SNX29: variants seen among roughly 807,000 people sequenced by gnomAD.
SNX29 encodes the protein sorting nexin-29.
SNX29 carries 78 observed loss-of-function variants against 102.1 expected under a neutral mutation model. The observed-to-expected ratio is 0.76, with a 90% CI of 0.64 to 0.92. The LOEUF is 0.92. SNX29 is among the 40% of genes least tolerant of loss of function. The pLI is 0.00. For synonymous variants in SNX29, 580 were observed against 414.5 expected, an observed-to-expected ratio of 1.40 and a Z score of -4.85; for missense variants, 1,280 against 1,061.7, an observed-to-expected ratio of 1.21 and a Z score of -2.86.
In SNX29 at chr16:12,185,410, A is replaced by T. The variant is rs187961712; in HGVS notation, c.1596-14191A>T. Reference sequence around the variant, plus strand: ...TAGATTTTTAAGGGAAATGTCCTGAATTTTAATTATTTGCACAGAATTTAA... The same window carrying T: ...TAGATTTTTAAGGGAAATGTCCTGATTTTTAATTATTTGCACAGAATTTAA... On this transcript the variant is annotated intron_variant, in intron 13 of 20. Coordinates refer to ENST00000566228, the MANE Select transcript of SNX29 (RefSeq NM_032167.5). 3.9e-4 allele frequency among the ~76,000 whole-genome samples: 59 copies of T among 152,216 alleles called. No homozygotes were observed. In the East Asian group the frequency reaches 4.8e-3, roughly 12 times the overall value.
At chr16:12,390,535 C>G (rs6498287) in intron 16 of SNX29, among the ~76,000 whole-genome samples, 79,528 of 151,592 alleles carry the variant, frequency 0.52, 21,837 homozygotes, top group Non-Finnish European at 0.61. Context: ...TCTGACTACT[C>G]AATGGAATGT....
intron 14 of SNX29, among the ~76,000 whole-genome samples, chr16:12,240,314 G>C (rs1405793718): frequency 1.3e-5 from 2 of 152,216 alleles, no homozygotes; most frequent in Non-Finnish European, 2.9e-5. Context: ...ATTGACGCCA[G>C]CTGTGTATGA....
intron 8 of SNX29, among the ~76,000 whole-genome samples, chr16:12,061,058 C>G (rs72784640): frequency 0.011 from 1,653 of 152,320 alleles, 23 homozygotes; most frequent in Non-Finnish European, 0.017. Flanking sequence ...GTCCCCTTCC[C>G]CAAGCCTTTG....
chr16:12,457,821 A>C (rs2086604412), intron 18 of SNX29, among the ~76,000 whole-genome samples: 1 of 152,222 alleles, frequency 6.6e-6, no homozygotes, highest in Non-Finnish European at 1.5e-5. Context: ...AAATGAGTAC[A>C]TTGGGTAAAT....
intron 14 of SNX29, among the ~76,000 whole-genome samples, chr16:12,275,208 T>G (rs1327570279): frequency 6.6e-6 from 1 of 152,154 alleles, no homozygotes; most frequent in Non-Finnish European, 1.5e-5. Flanking sequence ...GTCTCCAAAG[T>G]TTTTTTAGAT....
chr16:12,554,980 A>C (rs550625886), intron 20 of SNX29, among the ~76,000 whole-genome samples: 1 of 151,286 alleles, frequency 6.6e-6, no homozygotes, highest in African/African-American at 2.5e-5. Context: ...GGGGTCAGTC[A>C]GCCGGAGCAC....
intron 18 of SNX29, among the ~76,000 whole-genome samples, chr16:12,456,506 CGTGTGTGTGT>C (rs3072479): frequency 2.5e-4 from 37 of 148,948 alleles, no homozygotes; most frequent in African/African-American, 7.6e-4. Flanking sequence ...CATGTGTGCA[CGTGTGTGTGT>C]GTGTGTGTGT....
chr16:12,003,168 C>T, intron 3 of SNX29, 125 bp downstream of exon 3: 1 of 1,175,966 alleles, frequency 8.5e-7, no homozygotes, highest in Non-Finnish European at 1.3e-6. Context: ...CTTCTGGGCT[C>T]TGCCTCTGCA....
In SNX29 at chr16:12,573,904, T is replaced by C. The variant is rs1016515785; in HGVS notation, c.*5275T>C. 2.9e-5 allele frequency: 6 copies of C among 204,770 alleles called. No individual in the cohort carries two copies. Among genetic ancestry groups the C allele is most frequent in the African/African-American group, 1.4e-4 (6 of 43,724 alleles). 12.7% of individuals were successfully genotyped at this position (204,770 alleles called of 1,614,324 possible). ...CTTAGCCGTCAGGTAGAACGCTTAC[T>C]CACCTGACACCGACTTCTTAGAGAA... On this transcript the variant is annotated 3_prime_UTR_variant, in exon 21 of 21. Coordinates refer to ENST00000566228, the MANE Select transcript of SNX29 (RefSeq NM_032167.5).
chr16:12,339,010 C>G (rs1031463587), intron 15 of SNX29, among the ~76,000 whole-genome samples: 1 of 151,938 alleles, frequency 6.6e-6, no homozygotes, highest in Non-Finnish European at 1.5e-5. Context: ...ATGGGCTGTC[C>G]TAGGACTACA....
intron 20 of SNX29, among the ~76,000 whole-genome samples, chr16:12,566,374 A>C (rs907223286): frequency 1.3e-5 from 2 of 151,864 alleles, no homozygotes; most frequent in Non-Finnish European, 2.9e-5. Flanking sequence ...CTCCCAACCA[A>C]CAAGGCACTG....
chr16:12,514,040 C>T (rs1437963274), intron 19 of SNX29, among the ~76,000 whole-genome samples: 6 of 152,180 alleles, frequency 3.9e-5, no homozygotes, highest in Non-Finnish European at 5.9e-5. Flanking sequence ...ATGGATTTGC[C>T]GTGGATTGCG....
chr16:12,467,829 G>C (rs1389096027), intron 18 of SNX29, among the ~76,000 whole-genome samples: 3 of 152,206 alleles, frequency 2.0e-5, no homozygotes, highest in Non-Finnish European at 4.4e-5. Flanking sequence ...TAGCATGCCA[G>C]ATGGTGGTCG....
chr16:12,392,699 C>T (rs922982440), intron 16 of SNX29, among the ~76,000 whole-genome samples: 6 of 152,146 alleles, frequency 3.9e-5, no homozygotes, highest in African/African-American at 1.4e-4. Flanking sequence ...TCTTATTTGC[C>T]AAGTTTTTAC....
intron 19 of SNX29, among the ~76,000 whole-genome samples, chr16:12,515,060 A>C (rs1477247995): frequency 6.6e-6 from 1 of 152,162 alleles, no homozygotes; most frequent in Non-Finnish European, 1.5e-5. Flanking sequence ...AAATGTTGCT[A>C]GTGACGGCTC....
intron 20 of SNX29, among the ~76,000 whole-genome samples, chr16:12,541,947 G>T (rs552043914): frequency 6.6e-6 from 1 of 152,310 alleles, no homozygotes; most frequent in South Asian, 2.1e-4. Flanking sequence ...GCCCACACAA[G>T]AGGACGCTGG....
At chr16:12,226,066 C>T (rs2077603144) in intron 14 of SNX29, among the ~76,000 whole-genome samples, 1 of 152,096 alleles carries the variant, frequency 6.6e-6, no homozygotes. Context: ...CTCTGTTGTT[C>T]CACTCTTTCC....
chr16:12,547,139 G>C (rs1038182538), intron 20 of SNX29, among the ~76,000 whole-genome samples: 1 of 152,238 alleles, frequency 6.6e-6, no homozygotes, highest in Non-Finnish European at 1.5e-5. Flanking sequence ...TCATCACAGA[G>C]GGAAAGAAGC....
At chr16:12,164,949 A>C (rs1454938446) in intron 13 of SNX29, among the ~76,000 whole-genome samples, 3 of 152,208 alleles carry the variant, frequency 2.0e-5, no homozygotes, top group African/African-American at 7.2e-5. Context: ...TGATCTCCCA[A>C]AGTGCTGGGG....
Sources: allele counts gnomAD v4.1 joint callset (sites outside exome capture counted in the v4.1 genomes callset), GRCh38; gene constraint gnomAD v4.1.1; transcripts MANE v1.5; gene names NCBI Gene and HGNC (gene_info 2026-07-23, HGNC 2026-07-21).